ENDOV: variants seen among roughly 807,000 people sequenced by gnomAD.
ENDOV encodes the protein hEndoV.
Under a neutral mutation model 39.4 loss-of-function variants are expected in ENDOV, and 37 were observed. The ratio of observed to expected loss-of-function variants is 0.94; its 90% confidence interval spans 0.72 to 1.23. The LOEUF (loss-of-function observed/expected upper bound fraction) is 1.23. ENDOV is among the 50% of genes most tolerant of loss of function. The pLI is 0.00. For synonymous variants in ENDOV, 186 were observed against 163.4 expected, an observed-to-expected ratio of 1.14 and a Z score of -1.05; for missense variants, 441 against 375.7, an observed-to-expected ratio of 1.17 and a Z score of -1.44.
At position 80,433,155 on chromosome 17, in the gene ENDOV, A is replaced by C. The variant is rs773006469; in HGVS notation, c.839-2978A>C. The stretch of plus-strand genomic sequence containing the variant: ...AGGGAATTAGAGGCATTAGAAGCAC[A>C]GTGTGGAAGCTGGGCAGAGCTGGCT... On this transcript the variant is annotated intron_variant, in intron 9 of 9. Coordinates refer to ENST00000518137, the MANE Select transcript of ENDOV (RefSeq NM_173627.5). 14 of 520,016 alleles carry C rather than the reference A, an allele frequency of 2.7e-5. No homozygotes were observed. In the East Asian group the frequency reaches 3.8e-4, roughly 14 times the overall value. 32.2% of individuals were successfully genotyped at this position (520,016 alleles called of 1,614,324 possible).
intron 2 of ENDOV, chr17:80,419,485 G>A (rs1048604585): frequency 1.5e-6 from 1 of 672,100 alleles, no homozygotes; most frequent in Non-Finnish European, 2.8e-6. Flanking sequence ...CTGCTCCACA[G>A]GCCTGGTGGA....
chr17:80,431,444 G>A (rs906147799), intron 9 of ENDOV, among the ~76,000 whole-genome samples: 1 of 152,086 alleles, frequency 6.6e-6, no homozygotes, highest in Non-Finnish European at 1.5e-5. Flanking sequence ...TCCAGGACAA[G>A]TGGGGCTGGG....
intron 7 of ENDOV, among the ~76,000 whole-genome samples, chr17:80,426,236 C>T (rs556805656): frequency 9.2e-5 from 14 of 152,290 alleles, no homozygotes; most frequent in African/African-American, 1.4e-4. Context: ...CCACAAGACA[C>T]GGGTGGATGC....
rs41300766 is a variant in ENDOV at position 80,427,208 on chromosome 17, C to G, written c.715-1388C>G. ...AAGCCTGTGAGCTGTGTCCCCAGCC[C>G]CCAGGAAAGAGGCCTTTCTTCCTCC... On this transcript the variant is annotated intron_variant, in intron 7 of 9. Transcript: ENST00000518137. Among the ~76,000 whole-genome samples, 391 of 152,336 alleles carry G rather than the reference C, an allele frequency of 2.6e-3. 2 individuals are homozygous for G. Among genetic ancestry groups the G allele is most frequent in the Non-Finnish European group, 4.3e-3 (291 of 68,030 alleles).
At chr17:80,418,592 C>T (rs560926283) in intron 2 of ENDOV, 2 of 152,190 alleles carry the variant, frequency 1.3e-5, no homozygotes, top group South Asian at 2.1e-4. Context: ...CCTGAATGCC[C>T]GACCGTGGAC....
chr17:80,416,726 T>C (rs1425829907), intron 2 of ENDOV, among the ~76,000 whole-genome samples: 2 of 133,226 alleles, frequency 1.5e-5, no homozygotes, highest in Admixed American at 7.5e-5. Flanking sequence ...CTTCCTTCCT[T>C]CCTTCCTCCC....
intron 4 of ENDOV, among the ~76,000 whole-genome samples, chr17:80,422,926 CCT>C (rs1488557301): frequency 3.9e-4 from 59 of 152,300 alleles, no homozygotes; most frequent in African/African-American, 1.4e-3. Flanking sequence ...GTCTTGATCT[CCT>C]GACCTCGTGA....
intron 1 of ENDOV, 190 bp from the exon 2 acceptor site, chr17:80,415,460 C>A: frequency 1.0e-6 from 1 of 992,032 alleles, no homozygotes; most frequent in Non-Finnish European, 1.5e-6. Flanking sequence ...GCCAGTTTGT[C>A]TGGCCTGCGC....
intron 7 of ENDOV, among the ~76,000 whole-genome samples, chr17:80,426,152 A>G (rs1324189567): frequency 2.0e-5 from 3 of 152,238 alleles, no homozygotes; most frequent in Admixed American, 1.3e-4. Flanking sequence ...CAGCTGAGAA[A>G]GGACTCAGCC....
At chr17:80,425,181 C>T (rs757179441) in intron 6 of ENDOV, 81 bp downstream of exon 6, 48 of 1,225,496 alleles carry the variant, frequency 3.9e-5, no homozygotes, top group Non-Finnish European at 5.1e-5. Context: ...CATGCAGACA[C>T]GCGTGCACTC....
intron 1 of ENDOV, 76 bp from the exon 2 acceptor site, chr17:80,415,574 C>T (rs2081002850): frequency 1.3e-6 from 2 of 1,526,892 alleles, no homozygotes; most frequent in East Asian, 2.4e-5. Flanking sequence ...GCGCTCTGTC[C>T]GCTGCAGCCG....
chr17:80,432,011 C>T (rs1599469451), intron 9 of ENDOV, among the ~76,000 whole-genome samples: 1 of 152,094 alleles, frequency 6.6e-6, no homozygotes, highest in South Asian at 2.1e-4. Flanking sequence ...AGCTGTGGAG[C>T]TGTGTGAGCC....
At chr17:80,415,850 C>CG (rs1352219135) in intron 2 of ENDOV, 29 bp downstream of exon 2, 1 of 1,567,214 alleles carries the variant, frequency 6.4e-7, no homozygotes, top group Non-Finnish European at 8.6e-7. Flanking sequence ...GAGCTCGAGG[C>CG]GGGCCCCTCG....
At chr17:80,427,555 G>A (rs1568241647) in intron 7 of ENDOV, 16 of 1,065,006 alleles carry the variant, frequency 1.5e-5, no homozygotes, top group South Asian at 2.6e-5. Flanking sequence ...CAGCCACCCC[G>A]TACCAGGAGC....
intron 9 of ENDOV, among the ~76,000 whole-genome samples, chr17:80,432,648 A>G (rs1232584905): frequency 2.6e-5 from 4 of 152,106 alleles, no homozygotes; most frequent in Non-Finnish European, 4.4e-5. Flanking sequence ...CCACTGAGGC[A>G]TAGGTGAGAC....
At chr17:80,425,326 A>G (rs2082560191) in intron 6 of ENDOV, 166 bp from the exon 7 acceptor site, 1 of 1,077,124 alleles carries the variant, frequency 9.3e-7, no homozygotes, top group African/African-American at 1.6e-5. Flanking sequence ...GACAAGCAGC[A>G]GGAAGGCGCC....
intron 2 of ENDOV, among the ~76,000 whole-genome samples, chr17:80,421,029 A>T (rs1002891658): frequency 5.3e-5 from 8 of 150,408 alleles, no homozygotes; most frequent in African/African-American, 1.9e-4. Context: ...GGGGTGGGGC[A>T]TCGGCTTCAA....
intron 9 of ENDOV, chr17:80,430,273 G>A (rs2083246839): frequency 1.3e-6 from 2 of 1,485,708 alleles, no homozygotes; most frequent in Admixed American, 4.5e-5. Flanking sequence ...CGGAGCTGCA[G>A]CCTGCACGAC....
At chr17:80,426,509 A>G (rs41300752) in intron 7 of ENDOV, among the ~76,000 whole-genome samples, 13,616 of 152,076 alleles carry the variant, frequency 0.09, 678 homozygotes, top group Middle Eastern at 0.14. Flanking sequence ...AAATTAGCCA[A>G]GTGTGGTGGT....
Sources: gnomAD v4.1 joint callset for allele counts (sites outside exome capture counted in the v4.1 genomes callset) on GRCh38, gnomAD v4.1.1 for gene constraint, MANE v1.5 for transcripts, NCBI Gene and HGNC (gene_info 2026-07-23, HGNC 2026-07-21) for gene names.